ZBTB40: variants seen among roughly 807,000 people sequenced by gnomAD.
The protein encoded by ZBTB40 is zinc finger and BTB domain-containing protein 40.
ZBTB40 carries 60 observed loss-of-function variants against 117.5 expected under a neutral mutation model. That is an observed-to-expected ratio of 0.51 (90% CI 0.41 to 0.63). The LOEUF (loss-of-function observed/expected upper bound fraction) is 0.63. Ranked by LOEUF, ZBTB40 falls within the 30% of genes least tolerant of loss-of-function variation. ZBTB40 has a pLI of 0.00. For missense variants in ZBTB40, 1,287 were observed against 1,498.5 expected (o/e 0.86, Z 2.33); for synonymous variants, 525 against 577.1 (o/e 0.91, Z 1.29).
rs1435733678 is a variant in ZBTB40 at position 22,507,250 on chromosome 1, AT to A, written c.1361-750del. ...GTGAAATGAGGTAAGGGTGGTACCTATCACATTCGTTTTTGTGTGGCTAGTA... is the reference window on the plus strand; with the variant it reads ...GTGAAATGAGGTAAGGGTGGTACCTACACATTCGTTTTTGTGTGGCTAGTA... On this transcript the variant is annotated intron_variant, in intron 6 of 17. Transcript: ENST00000375647. Among the ~76,000 whole-genome samples, 9 of 152,316 alleles carry A rather than the reference AT, an allele frequency of 5.9e-5. No individual in the cohort carries two copies. The South Asian group carries it at 6.2e-4, about 11-fold the overall frequency.
At position 22,528,051 on chromosome 1, in the gene ZBTB40, G is replaced by A. The variant is rs906560426; in HGVS notation, c.*1655G>A. 6.5e-6 allele frequency: 1 copy of A among 152,740 alleles called. No homozygotes were observed. Among genetic ancestry groups the A allele is most frequent in the Non-Finnish European group, 1.5e-5 (1 of 68,048 alleles). The allele number at this position is 152,740 out of a possible 1,614,324, so 9.5% of individuals were successfully genotyped here. A position where few individuals can be genotyped will look rare whatever the true frequency, so the allele number is the denominator to read the frequency against. ...TAAATGAAGTTTCTAAAGCAGAGTCGGCCTCAGAAGCCAAAAACTGACCAG... is the reference window on the plus strand; with the variant it reads ...TAAATGAAGTTTCTAAAGCAGAGTCAGCCTCAGAAGCCAAAAACTGACCAG... On this transcript the variant is annotated 3_prime_UTR_variant, in exon 18 of 18. Coordinates refer to ENST00000375647, the MANE Select transcript of ZBTB40 (RefSeq NM_014870.4).
intron 1 of ZBTB40, among the ~76,000 whole-genome samples, chr1:22,470,901 C>A (rs1365461558): frequency 6.6e-6 from 1 of 152,184 alleles, no homozygotes; most frequent in Non-Finnish European, 1.5e-5. Context: ...ACCTAACTTC[C>A]TTTGCTGTCT....
rs140755798 is a variant in ZBTB40 at position 22,502,522 on chromosome 1, A to G, written c.1167+81A>G. On this transcript the variant is annotated intron_variant, in intron 5 of 17. Transcript: ENST00000375647. Reference sequence around the variant, plus strand: ...ATGCTTTTGTGGCACATAGCACTTTATACTTTGCAGTATTTTAATACATAC... The same window carrying G: ...ATGCTTTTGTGGCACATAGCACTTTGTACTTTGCAGTATTTTAATACATAC... 3.5e-4 allele frequency: 544 copies of G among 1,576,086 alleles called. 10 individuals carry two copies. In the South Asian group the frequency reaches 5.1e-3, roughly 15 times the overall value.
intron 1 of ZBTB40, among the ~76,000 whole-genome samples, chr1:22,455,168 G>A (rs1283905751): frequency 6.6e-6 from 1 of 152,174 alleles, no homozygotes; most frequent in Non-Finnish European, 1.5e-5. Context: ...CATCAAAGGT[G>A]TATGTATTCT....
At chr1:22,507,951 TAGG>T in intron 6 of ZBTB40, 47 bp from the exon 7 acceptor site, 1 of 1,613,758 alleles carries the variant, frequency 6.2e-7, no homozygotes, top group South Asian at 1.1e-5. Flanking sequence ...GAGTCTTCTG[TAGG>T]AGGTTTTGTT....
chr1:22,460,865 G>A (rs183056552), intron 1 of ZBTB40, among the ~76,000 whole-genome samples: 177 of 152,176 alleles, frequency 1.2e-3, no homozygotes, highest in African/African-American at 3.9e-3. Flanking sequence ...TCCCATCTAC[G>A]AATTCACACC....
chr1:22,433,722 A>C (rs1291858734), intron 1 of ZBTB40, among the ~76,000 whole-genome samples: 1 of 150,762 alleles, frequency 6.6e-6, no homozygotes, highest in Non-Finnish European at 1.5e-5. Flanking sequence ...TTTCCCTATA[A>C]AGATGCTTAG....
At chr1:22,523,259 C>T (rs1342901223) in intron 16 of ZBTB40, among the ~76,000 whole-genome samples, 1 of 152,042 alleles carries the variant, frequency 6.6e-6, no homozygotes, top group Non-Finnish European at 1.5e-5. Flanking sequence ...CCAAGATGTA[C>T]CATTTTTAAG....
chr1:22,505,948 C>G (rs1639064711), intron 5 of ZBTB40, 101 bp from the exon 6 acceptor site: 1 of 1,186,810 alleles, frequency 8.4e-7, no homozygotes, highest in Admixed American at 1.7e-5. Flanking sequence ...ACTTGGAGAT[C>G]AGGCATCTTG....
intron 1 of ZBTB40, among the ~76,000 whole-genome samples, chr1:22,436,979 G>A (rs1253622989): frequency 6.6e-6 from 1 of 152,084 alleles, no homozygotes; most frequent in Admixed American, 6.6e-5. Context: ...GTCTAGAGGG[G>A]GAGGGAGAGT....
At chr1:22,524,580 C>T (rs551157315) in intron 17 of ZBTB40, 136 bp downstream of exon 17, 3 of 1,053,134 alleles carry the variant, frequency 2.8e-6, no homozygotes, top group Admixed American at 2.3e-5. Context: ...TCTTACAAAA[C>T]AGAACAGAAA....
At chr1:22,436,011 G>A (rs1399725592) in intron 1 of ZBTB40, among the ~76,000 whole-genome samples, 11 of 151,610 alleles carry the variant, frequency 7.3e-5, no homozygotes, top group African/African-American at 2.7e-4. Context: ...AACACCAACT[G>A]TTGATGAGGA....
chr1:22,521,579 A>G lies in ZBTB40; in HGVS notation c.3132A>G (p.Ser1044=). ...AAQNHRSSKF[S]SLQCSSCDKT... ...AGAACCACCGATCTTCCAAGTTCTCATCACTCCAGTGCAGCTCCTGTGACA... is the reference window on the plus strand; with the variant it reads ...AGAACCACCGATCTTCCAAGTTCTCGTCACTCCAGTGCAGCTCCTGTGACA... The change falls in exon 15 of 18, where the codon TCA becomes TCG. Residue 1044 remains serine (S), a synonymous_variant. Transcript: ENST00000375647. 1 of 1,614,214 alleles carries G rather than the reference A, an allele frequency of 6.2e-7. No homozygotes were observed. Among genetic ancestry groups the G allele is most frequent in the Non-Finnish European group, 8.5e-7 (1 of 1,180,036 alleles).
At chr1:22,524,652 A>T (rs947470065) in intron 17 of ZBTB40, among the ~76,000 whole-genome samples, 13 of 152,314 alleles carry the variant, frequency 8.5e-5, no homozygotes, top group African/African-American at 2.6e-4. Flanking sequence ...CTGGAACAAT[A>T]ATTTCCAAAA....
chr1:22,511,861 G>A lies in ZBTB40; in HGVS notation c.2188G>A (p.Asp730Asn), dbSNP rs1435397366. ...AGAGAAAGAGGCTTCAGCCTCCCCA[G>A]ACCCTGCCAAGAAGAGCTTCATCTG... ...QQEKEASASPDPAKKSFICKA... is the reference protein window; with the variant it reads ...QQEKEASASPNPAKKSFICKA... Residue 730 changes from aspartate to asparagine, a missense_variant, in exon 11 of 18, where the codon GAC (aspartate) becomes AAC (asparagine). Physicochemically the swap from Asp to Asn is conservative, Grantham distance 23. Coordinates refer to ENST00000375647, the MANE Select transcript of ZBTB40 (RefSeq NM_014870.4). The A allele has an allele frequency of 6.2e-7, 1 of 1,614,038 alleles. No individual in the cohort carries two copies. Among genetic ancestry groups the A allele is most frequent in the African/African-American group, 1.3e-5 (1 of 74,920 alleles).
intron 1 of ZBTB40, among the ~76,000 whole-genome samples, chr1:22,484,810 G>A (rs764739180): frequency 2.0e-5 from 3 of 152,192 alleles, no homozygotes; most frequent in Non-Finnish European, 4.4e-5. Context: ...AGTTGAGGCA[G>A]TTCCCCTCTA....
intron 3 of ZBTB40, among the ~76,000 whole-genome samples, chr1:22,498,417 A>C (rs1313031912): frequency 1.3e-5 from 2 of 152,174 alleles, no homozygotes; most frequent in Non-Finnish European, 1.5e-5. Context: ...AGGCAGCTTT[A>C]GGGGGCTGAT....
Position 22,506,172 on chromosome 1 carries a change from A to T in ZBTB40, c.1291A>T (p.Thr431Ser), listed in dbSNP as rs748397949. 4 of 1,614,072 alleles carry T rather than the reference A, an allele frequency of 2.5e-6. No individual in the cohort carries two copies. The African/African-American group carries it at 5.3e-5, about 22-fold the overall frequency. ...GLVKLLQAVK[T>S]TFPNLGLLLE... is the part of the protein sequence containing the mutation. Reference sequence around the variant, plus strand: ...GGTAAAACTCCTCCAGGCTGTGAAGACGACTTTCCCAAACCTGGGCCTTCT... The same window carrying T: ...GGTAAAACTCCTCCAGGCTGTGAAGTCGACTTTCCCAAACCTGGGCCTTCT... The change falls in exon 6 of 18, where the codon ACG becomes TCG. Residue 431 changes from threonine (T) to serine (S), a missense_variant. Physicochemically the swap from Thr to Ser is moderately conservative, Grantham distance 58 (BLOSUM62 1). This residue lies in a region of ZBTB40 where 870 missense variants were observed against 934.4 expected (regional missense o/e 0.93). Transcript: ENST00000375647.
intron 5 of ZBTB40, 30 bp downstream of exon 5, chr1:22,502,471 C>T (rs770285186): frequency 6.2e-7 from 1 of 1,613,664 alleles, no homozygotes; most frequent in Non-Finnish European, 8.5e-7. Context: ...CCTCCCTCCT[C>T]CTGAATTCAT....
Sources: allele counts gnomAD v4.1 joint callset (sites outside exome capture counted in the v4.1 genomes callset), GRCh38; gene constraint gnomAD v4.1.1; regional missense constraint gnomAD v4.1.1; transcripts MANE v1.5; gene names NCBI Gene and HGNC (gene_info 2026-07-23, HGNC 2026-07-21).